The following TBK1 variants were observed in gnomAD, a reference collection of about 807,000 sequenced individuals.
TBK1 encodes TANK binding kinase 1.
TBK1 carries 37 observed loss-of-function variants against 99.9 expected under a neutral mutation model. The ratio of observed to expected loss-of-function variants is 0.37; its 90% confidence interval spans 0.28 to 0.49. TBK1 has a LOEUF of 0.49. Ranked by LOEUF, TBK1 falls within the 20% of genes least tolerant of loss-of-function variation. The probability of loss-of-function intolerance (pLI) is 0.98; values close to 1 mark genes in which losing one functional copy is unlikely to be tolerated. For synonymous variants in TBK1, 258 were observed against 279.8 expected (o/e 0.92, Z 0.78); for missense variants, 644 against 872.5 (o/e 0.74, Z 3.30).
At chr12:64,491,173 A>G (rs2136083540) in intron 13 of TBK1, among the ~76,000 whole-genome samples, 1 of 152,276 alleles carries the variant, frequency 6.6e-6, no homozygotes, top group African/African-American at 2.4e-5. Context: ...TACTACTCCC[A>G]GACCTGCCCC....
In TBK1 at chr12:64,474,328, T is replaced by G. The variant is rs968597987; in HGVS notation, c.639T>G (p.His213Gln). The change falls in exon 6 of 21, where the codon CAT (histidine) becomes CAG (glutamine). Residue 213 changes from histidine to glutamine, a missense_variant. By Grantham distance (24) the His-to-Gln change is conservative. Transcript: ENST00000331710. The part of the protein sequence containing the change: ...DLWSIGVTFY[H>Q]AATGSLPFRP... ...GGAGCATTGGGGTAACATTTTACCATGCAGCTACTGGATCACTGCCATTTA... is the reference window on the plus strand; with the variant it reads ...GGAGCATTGGGGTAACATTTTACCAGGCAGCTACTGGATCACTGCCATTTA... 6.2e-6 allele frequency: 10 copies of G among 1,613,984 alleles called. No homozygotes were observed. Among genetic ancestry groups the G allele is most frequent in the Non-Finnish European group, 8.5e-6 (10 of 1,180,010 alleles).
intron 2 of TBK1, among the ~76,000 whole-genome samples, chr12:64,458,860 T>G (rs1381683408): frequency 6.6e-6 from 1 of 152,214 alleles, no homozygotes; most frequent in Non-Finnish European, 1.5e-5. Context: ...ACAGTGAAAC[T>G]GAACTGTACT....
chr12:64,458,615 C>T (rs921686414), intron 2 of TBK1, among the ~76,000 whole-genome samples: 4 of 151,724 alleles, frequency 2.6e-5, no homozygotes, highest in African/African-American at 9.7e-5. Context: ...AGTACGTTTC[C>T]ACCTGGATCC....
chr12:64,470,591 T>C (rs150077589), intron 5 of TBK1, among the ~76,000 whole-genome samples: 1 of 152,222 alleles, frequency 6.6e-6, no homozygotes, highest in African/African-American at 2.4e-5. Context: ...AAAAATACTT[T>C]GTTATATATA....
At chr12:64,497,396 T>C in intron 18 of TBK1, 137 bp downstream of exon 18, 2 of 655,372 alleles carry the variant, frequency 3.1e-6, no homozygotes, top group Non-Finnish European at 4.9e-6. Context: ...TGAGCCAAGT[T>C]TTAAGAATGT....
chr12:64,490,484 T>C (rs2040858905), intron 13 of TBK1, among the ~76,000 whole-genome samples: 1 of 152,050 alleles, frequency 6.6e-6, no homozygotes. Flanking sequence ...TTGTAACATA[T>C]TCAAATGACT....
At chr12:64,477,517 G>A (rs1002979358) in intron 6 of TBK1, among the ~76,000 whole-genome samples, 1 of 152,138 alleles carries the variant, frequency 6.6e-6, no homozygotes, top group Non-Finnish European at 1.5e-5. Flanking sequence ...CCTGAGATTT[G>A]GCTGAAATTA....
In TBK1 at chr12:64,480,125, A is replaced by G; in HGVS notation, c.812+3A>G. On this transcript the variant is annotated splice_donor_region_variant and intron_variant, in intron 7 of 20. Transcript: ENST00000331710. ...CCTGTTTCTTGCAGTCTTTCTCGGT[A>G]AGTATGGTGTACCTAATTCTCATCT... is the stretch of plus-strand genomic sequence containing the variant. The G allele has an allele frequency of 6.2e-7, 1 of 1,608,690 alleles. No homozygotes were observed. Among genetic ancestry groups the G allele is most frequent in the Non-Finnish European group, 8.5e-7 (1 of 1,176,240 alleles).
intron 3 of TBK1, 59 bp from the exon 4 acceptor site, chr12:64,464,275 G>A: frequency 7.2e-7 from 1 of 1,388,074 alleles, no homozygotes; most frequent in South Asian, 1.3e-5. Flanking sequence ...GATAAGTACT[G>A]GCATATAATC....
chr12:64,492,882 C>T (rs2136084851), intron 13 of TBK1, among the ~76,000 whole-genome samples: 1 of 150,258 alleles, frequency 6.7e-6, no homozygotes, highest in Admixed American at 6.6e-5. Context: ...CCACCACGTC[C>T]AGCTAATTTT....
At chr12:64,462,416 A>G (rs1306725427) in intron 3 of TBK1, among the ~76,000 whole-genome samples, 2 of 152,252 alleles carry the variant, frequency 1.3e-5, no homozygotes, top group African/African-American at 4.8e-5. Context: ...TGATCTTAAC[A>G]TATACAGTGT....
At chr12:64,489,505 T>G (rs539986927) in intron 12 of TBK1, among the ~76,000 whole-genome samples, 3 of 152,194 alleles carry the variant, frequency 2.0e-5, no homozygotes, top group African/African-American at 7.2e-5. Context: ...TCCCTTAATC[T>G]GCAAATTTAA....
intron 13 of TBK1, among the ~76,000 whole-genome samples, chr12:64,491,090 GTC>G (rs1259981256): frequency 6.6e-6 from 1 of 152,078 alleles, no homozygotes; most frequent in Non-Finnish European, 1.5e-5. Flanking sequence ...ACTTCTGGGA[GTC>G]TCTGAATCTC....
intron 3 of TBK1, 68 bp from the exon 4 acceptor site, chr12:64,464,266 A>G (rs1024185501): frequency 1.8e-5 from 23 of 1,299,820 alleles, no homozygotes; most frequent in Non-Finnish European, 2.4e-5. Flanking sequence ...ATGAAATCAG[A>G]TAAGTACTGG....
rs375428983 is a variant in TBK1, at chr12:64,495,574, A to G, written c.1613A>G (p.His538Arg). Residue 538 changes from histidine (H) to arginine (R), a missense_variant, in exon 14 of 21, where the codon CAT becomes CGT. Transcript: ENST00000331710. ...PGGSLADAWA[H>R]QEGTHPKDRN... ...GGATCACTGGCAGACGCATGGGCAC[A>G]TCAAGAAGGCACTCATCCGAAAGAC... 1.1e-5 allele frequency: 17 copies of G among 1,613,982 alleles called. No homozygotes were observed. The highest frequency in any genetic ancestry group is 1.4e-5 in the Non-Finnish European group (16 of 1,179,976).
rs10626258 is a variant in TBK1, at chr12:64,458,512, CAT to C, written c.88-1658_88-1657del. 3.0e-3 allele frequency among the ~76,000 whole-genome samples: 435 copies of C among 144,088 alleles called. 3 individuals carry two copies. The highest frequency in any genetic ancestry group is 8.8e-3 in the African/African-American group (344 of 39,186). The allele number at this position is 144,088 out of a possible 152,430, so 94.5% of individuals were successfully genotyped here. A position where few individuals can be genotyped will look rare whatever the true frequency, so the allele number is the denominator to read the frequency against. ...GTTGATCTGCACATATGGATATATA[CAT>C]ATATATATATATATATATGGATCTC... On this transcript the variant is annotated intron_variant, in intron 2 of 20. Coordinates refer to ENST00000331710, the MANE Select transcript of TBK1 (RefSeq NM_013254.4).
intron 1 of TBK1, 64 bp from the exon 2 acceptor site, chr12:64,455,776 A>G: frequency 1.3e-6 from 1 of 796,304 alleles, no homozygotes; most frequent in Non-Finnish European, 2.1e-6. Context: ...AAAAACAGCT[A>G]ACATTTGTTT....
At chr12:64,482,828 T>C in intron 8 of TBK1, among the ~76,000 whole-genome samples, 1 of 152,244 alleles carries the variant, frequency 6.6e-6, no homozygotes, top group East Asian at 1.9e-4. Flanking sequence ...TACTCTGTGA[T>C]GTTCACACAA....
intron 11 of TBK1, 145 bp from the exon 12 acceptor site, chr12:64,488,339 TATA>T (rs2040837843): frequency 6.1e-6 from 3 of 491,224 alleles, no homozygotes; most frequent in South Asian, 6.1e-5. Context: ...AAATGCTTAT[TATA>T]ATAATGTTTC....
Sources: allele counts gnomAD v4.1 joint callset (sites outside exome capture counted in the v4.1 genomes callset), GRCh38; gene constraint gnomAD v4.1.1; transcripts MANE v1.5; gene names NCBI Gene and HGNC (gene_info 2026-07-23, HGNC 2026-07-21).